The following MAPK10 variants were observed in gnomAD, a reference collection of about 807,000 sequenced individuals.
The protein encoded by MAPK10 is mitogen-activated protein kinase 10.
In MAPK10, 25 loss-of-function variants were observed where a neutral mutation model predicts 59.3. The observed-to-expected ratio is 0.42, with a 90% CI of 0.31 to 0.59. MAPK10 has a LOEUF of 0.59. Among genes scored for constraint, MAPK10 ranks in the 20% least tolerant of loss-of-function variants. The probability of loss-of-function intolerance (pLI) is 0.15; values close to 1 mark genes in which losing one functional copy is unlikely to be tolerated. For synonymous variants in MAPK10, 190 were observed against 200.5 expected (o/e 0.95, Z 0.44); for missense variants, 351 against 568.9 (o/e 0.62, Z 3.90).
chr4:86,423,760 GATATATAT>G (rs772650050), intron 1 of MAPK10, among the ~76,000 whole-genome samples: 1 of 117,120 alleles, frequency 8.5e-6, no homozygotes, highest in African/African-American at 3.5e-5. Context: ...TAATTAGTGG[GATATATAT>G]ACATATATAT....
At chr4:86,082,715 G>A (rs1020442447) in intron 9 of MAPK10, among the ~76,000 whole-genome samples, 7 of 152,164 alleles carry the variant, frequency 4.6e-5, no homozygotes, top group African/African-American at 1.7e-4. Flanking sequence ...GTTTACTTAT[G>A]TCTCCAGAAA....
At chr4:86,176,881 T>A (rs2075813863) in intron 3 of MAPK10, among the ~76,000 whole-genome samples, 1 of 152,028 alleles carries the variant, frequency 6.6e-6, no homozygotes, top group Non-Finnish European at 1.5e-5. Flanking sequence ...TATCTTTGTT[T>A]AATAATTTAC....
At chr4:86,383,232 C>A (rs767690974) in intron 1 of MAPK10, among the ~76,000 whole-genome samples, 11 of 152,124 alleles carry the variant, frequency 7.2e-5, no homozygotes, top group Non-Finnish European at 1.5e-4. Flanking sequence ...TAAACTTCTC[C>A]CTAAGAGGTG....
At chr4:86,281,344 C>A (rs2094795901) in intron 2 of MAPK10, among the ~76,000 whole-genome samples, 1 of 151,186 alleles carries the variant, frequency 6.6e-6, no homozygotes, top group Admixed American at 6.6e-5. Flanking sequence ...ACTAAAACTA[C>A]AAAAAAATTA....
chr4:86,170,313 C>T (rs1030685002), intron 3 of MAPK10, among the ~76,000 whole-genome samples: 10 of 152,056 alleles, frequency 6.6e-5, no homozygotes, highest in African/African-American at 2.4e-4. Context: ...ATTCAGGAAA[C>T]CCATCTCACG....
At chr4:86,495,321 G>A (rs1183300732) in intron 1 of MAPK10, among the ~76,000 whole-genome samples, 1 of 152,162 alleles carries the variant, frequency 6.6e-6, no homozygotes, top group Non-Finnish European at 1.5e-5. Flanking sequence ...AGATAAAATA[G>A]TATCATGAAT....
At position 86,017,996 on chromosome 4, in the gene MAPK10, C is replaced by T. The variant is rs1744241084; in HGVS notation, c.1253-626G>A. Among the ~76,000 whole-genome samples the T allele has an allele frequency of 6.6e-6, 1 of 152,228 alleles. No individual in the cohort carries two copies. Among genetic ancestry groups the T allele is most frequent in the Non-Finnish European group, 1.5e-5 (1 of 68,048 alleles). On this transcript the variant is annotated intron_variant, in intron 13 of 13. Coordinates refer to ENST00000641462, the MANE Select transcript of MAPK10 (RefSeq NM_138982.4). The surrounding 1 kb of genome is among the most constrained non-coding windows in gnomAD (Gnocchi z 4.4). ...TCTGCCTCCCAAAGTGCTGGGATTA[C>T]AGGCGTGAGCCACCACGCCCCGCGG...
intron 2 of MAPK10, among the ~76,000 whole-genome samples, chr4:86,236,071 T>C (rs546051714): frequency 1.3e-5 from 2 of 152,186 alleles, no homozygotes; most frequent in South Asian, 4.2e-4. Context: ...TACTCCACCT[T>C]CAAAGCCAGA....
intron 9 of MAPK10, among the ~76,000 whole-genome samples, chr4:86,088,628 A>G (rs2052448841): frequency 1.3e-5 from 2 of 152,084 alleles, no homozygotes; most frequent in Admixed American, 1.3e-4. Flanking sequence ...TAATATGCAG[A>G]AAATAAGAGA....
intron 9 of MAPK10, among the ~76,000 whole-genome samples, chr4:86,078,992 A>AC (rs1195573151): frequency 6.7e-5 from 10 of 150,360 alleles, no homozygotes; most frequent in African/African-American, 1.7e-4. Flanking sequence ...TTTGTCCCCC[A>AC]CCCCCCCAAA....
chr4:86,425,232 G>A (rs1056828269), intron 1 of MAPK10, among the ~76,000 whole-genome samples: 1 of 152,166 alleles, frequency 6.6e-6, no homozygotes, highest in Non-Finnish European at 1.5e-5. Flanking sequence ...AACAGTTCTT[G>A]TTGGTTTAAC....
intron 4 of MAPK10, chr4:86,124,096 G>A (rs576706160): frequency 6.6e-6 from 1 of 151,950 alleles, no homozygotes; most frequent in African/African-American, 2.4e-5. Flanking sequence ...ATTGAAGATA[G>A]GTTACTTATT....
chr4:86,418,301 A>G (rs906329357), intron 1 of MAPK10, among the ~76,000 whole-genome samples: 2 of 152,152 alleles, frequency 1.3e-5, no homozygotes, highest in Admixed American at 1.3e-4. Context: ...CTATTTCTAA[A>G]TCACCATCAA....
At chr4:86,469,682 AG>A (rs35892328) in intron 1 of MAPK10, among the ~76,000 whole-genome samples, 3 of 152,208 alleles carry the variant, frequency 2.0e-5, no homozygotes, top group Non-Finnish European at 4.4e-5. Flanking sequence ...AATTTTTTAA[AG>A]GGGGCAAAAG....
At chr4:86,493,270 A>G (rs1349074692) in intron 1 of MAPK10, among the ~76,000 whole-genome samples, 2 of 152,196 alleles carry the variant, frequency 1.3e-5, no homozygotes, top group African/African-American at 2.4e-5. Flanking sequence ...TCATTGCTCA[A>G]TTAAACTCCT....
intron 2 of MAPK10, among the ~76,000 whole-genome samples, chr4:86,334,417 G>A (rs1219467891): frequency 3.9e-5 from 6 of 152,124 alleles, no homozygotes; most frequent in Admixed American, 3.9e-4. Context: ...AGCAAAGAGA[G>A]CACTCTTCAA....
At chr4:86,158,325 C>G (rs902468006) in intron 4 of MAPK10, among the ~76,000 whole-genome samples, 3 of 151,720 alleles carry the variant, frequency 2.0e-5, no homozygotes, top group African/African-American at 7.3e-5. Context: ...CCCCACTGGG[C>G]TAAAATGAAA....
chr4:86,369,450 G>A (rs1377652737), intron 1 of MAPK10, among the ~76,000 whole-genome samples: 8 of 152,036 alleles, frequency 5.3e-5, no homozygotes, highest in Non-Finnish European at 7.4e-5. Context: ...AGTAATACAT[G>A]ATGATCGTAT....
chr4:86,379,850 A>G (rs1461995820), intron 1 of MAPK10, among the ~76,000 whole-genome samples: 1 of 152,040 alleles, frequency 6.6e-6, no homozygotes, highest in Non-Finnish European at 1.5e-5. Context: ...CCACACCTCT[A>G]TATTTTTGTG....
Sources: allele counts gnomAD v4.1 joint callset (sites outside exome capture counted in the v4.1 genomes callset), GRCh38; gene constraint gnomAD v4.1.1; non-coding constraint Gnocchi (gnomAD v3.1); transcripts MANE v1.5; gene names NCBI Gene and HGNC (gene_info 2026-07-23, HGNC 2026-07-21).